FSTL4: variants seen among roughly 807,000 people sequenced by gnomAD.
FSTL4 encodes the protein follistatin like 4.
A neutral mutation model predicts 78.2 loss-of-function variants in FSTL4; 28 were observed. The observed-to-expected ratio is 0.36, with a 90% CI of 0.27 to 0.49. The LOEUF is 0.49. FSTL4 is among the 20% of genes least tolerant of loss of function. The pLI, the probability that FSTL4 is intolerant of heterozygous loss-of-function variation, is 0.98. For synonymous variants in FSTL4, 422 were observed against 440.5 expected (o/e 0.96, Z 0.53); for missense variants, 922 against 1,084.9 (o/e 0.85, Z 2.11).
the FSTL4 span, among the ~76,000 whole-genome samples, chr5:133,806,822 A>G: frequency 6.6e-6 from 1 of 152,178 alleles, no homozygotes; most frequent in East Asian, 1.9e-4. Flanking sequence ...ACTCGGAGCA[A>G]CCTGGAGGGG....
chr5:133,436,735 G>A lies in FSTL4; in HGVS notation c.161-35749C>T, dbSNP rs565141268. 8.5e-5 allele frequency among the ~76,000 whole-genome samples: 13 copies of A among 152,058 alleles called. No homozygotes were observed. The South Asian group carries it at 2.7e-3, about 32-fold the overall frequency. On this transcript the variant is annotated intron_variant, in intron 3 of 15. Transcript: ENST00000265342. ...GCTATAAATTAGGACTTTTCCCACC[G>A]AGAACCGGTTGTTAAACATTTATCA...
intron 3 of FSTL4, among the ~76,000 whole-genome samples, chr5:133,502,982 T>G (rs1000147724): frequency 6.6e-6 from 1 of 152,148 alleles, no homozygotes; most frequent in African/African-American, 2.4e-5. Context: ...TCCAGAAACT[T>G]TAAGACAATA....
intron 3 of FSTL4, among the ~76,000 whole-genome samples, chr5:133,554,614 G>T (rs2112931881): frequency 6.6e-6 from 1 of 152,306 alleles, no homozygotes; most frequent in South Asian, 2.1e-4. Context: ...AGACAGTGCT[G>T]AGCTTATTCA....
the FSTL4 span, among the ~76,000 whole-genome samples, chr5:133,754,059 T>C: frequency 6.6e-6 from 1 of 152,264 alleles, no homozygotes; most frequent in East Asian, 1.9e-4. Context: ...GCCCTGAGGA[T>C]ATCCCAGCCC....
intron 5 of FSTL4, among the ~76,000 whole-genome samples, chr5:133,315,820 G>A (rs1753890689): frequency 6.6e-6 from 1 of 152,162 alleles, no homozygotes; most frequent in African/African-American, 2.4e-5. Flanking sequence ...AGTGGCTGTG[G>A]CCCCAGTGAG....
At chr5:133,658,261 T>G in the FSTL4 span, among the ~76,000 whole-genome samples, 9 of 152,180 alleles carry the variant, frequency 5.9e-5, no homozygotes, top group African/African-American at 2.2e-4. Flanking sequence ...TTATTCATTT[T>G]TAGGATCAGG....
At position 133,359,951 on chromosome 5, in the gene FSTL4, A is replaced by G. The variant is rs545285233; in HGVS notation, c.409+40787T>C. On this transcript the variant is annotated intron_variant, in intron 4 of 15. Transcript: ENST00000265342. Reference sequence around the variant, plus strand: ...GCTGCTGAGACTGCCCTGGCAGACCAGGGAGCCAGTATTCTGAGCTCCAGC... The same window carrying G: ...GCTGCTGAGACTGCCCTGGCAGACCGGGGAGCCAGTATTCTGAGCTCCAGC... Among the ~76,000 whole-genome samples, 276 of 152,320 alleles carry G rather than the reference A, an allele frequency of 1.8e-3. 1 individual carries two copies. Among genetic ancestry groups the G allele is most frequent in the African/African-American group, 6.2e-3 (257 of 41,578 alleles).
At chr5:133,558,599 AG>A (rs565955399) in intron 3 of FSTL4, among the ~76,000 whole-genome samples, 37 of 152,090 alleles carry the variant, frequency 2.4e-4, no homozygotes, top group Non-Finnish European at 5.3e-4. Flanking sequence ...GAGAGTTCAA[AG>A]CAACATTCAA....
intron 3 of FSTL4, among the ~76,000 whole-genome samples, chr5:133,435,760 G>T (rs1288638527): frequency 6.6e-6 from 1 of 152,114 alleles, no homozygotes; most frequent in Non-Finnish European, 1.5e-5. Context: ...CTGATATTGT[G>T]TTATTTGGTA....
chr5:133,483,112 G>A (rs1758064045), intron 3 of FSTL4, among the ~76,000 whole-genome samples: 2 of 152,230 alleles, frequency 1.3e-5, no homozygotes, highest in South Asian at 4.1e-4. Context: ...AGACTTATAT[G>A]AGATCTGATG....
chr5:133,207,073 GTTTC>G (rs902063289), intron 14 of FSTL4, among the ~76,000 whole-genome samples: 1 of 152,048 alleles, frequency 6.6e-6, no homozygotes, highest in Non-Finnish European at 1.5e-5. Flanking sequence ...AAAATTTAAA[GTTTC>G]TTTAGTGATA....
chr5:133,335,681 T>TGC (rs1561677208), intron 4 of FSTL4, among the ~76,000 whole-genome samples: 5 of 150,332 alleles, frequency 3.3e-5, no homozygotes, highest in Non-Finnish European at 1.5e-5. Context: ...TCCCCTTTCT[T>TGC]GGGGGGGGTG....
chr5:133,216,072 C>G (rs1750896088), intron 13 of FSTL4, among the ~76,000 whole-genome samples: 1 of 152,160 alleles, frequency 6.6e-6, no homozygotes, highest in Non-Finnish European at 1.5e-5. Context: ...ATTTAGCCTA[C>G]CACACATTGT....
In FSTL4 at chr5:133,532,689, G is replaced by C. The variant is rs150592287; in HGVS notation, c.160+34497C>G. On this transcript the variant is annotated intron_variant, in intron 3 of 15. Transcript: ENST00000265342. ...AACAGGACAAAAATGTACATTGCAC[G>C]GTAAACATACGCTGGATTTGCTCTG... Among the ~76,000 whole-genome samples the C allele has an allele frequency of 6.6e-5, 10 of 152,232 alleles. No homozygotes were observed. The East Asian group carries it at 1.2e-3, about 18-fold the overall frequency.
At chr5:133,438,820 G>A (rs1412756134) in intron 3 of FSTL4, among the ~76,000 whole-genome samples, 1 of 152,210 alleles carries the variant, frequency 6.6e-6, no homozygotes, top group African/African-American at 2.4e-5. Flanking sequence ...CTTTGGGGAA[G>A]GTCTGAGGAG....
chr5:133,577,789 CCA>C (rs1760316464), intron 2 of FSTL4, among the ~76,000 whole-genome samples: 1 of 152,098 alleles, frequency 6.6e-6, no homozygotes, highest in Non-Finnish European at 1.5e-5. Flanking sequence ...ACCTGTAGTC[CCA>C]GATACTTGTG....
intron 4 of FSTL4, among the ~76,000 whole-genome samples, chr5:133,334,358 C>A (rs1754418658): frequency 2.0e-5 from 3 of 152,296 alleles, no homozygotes; most frequent in South Asian, 4.1e-4. Flanking sequence ...TACCTGGGCA[C>A]CCCTCTAAGT....
intron 4 of FSTL4, among the ~76,000 whole-genome samples, chr5:133,337,103 C>A (rs1358027772): frequency 6.6e-6 from 1 of 152,252 alleles, no homozygotes; most frequent in Non-Finnish European, 1.5e-5. Context: ...GCCCACAGTG[C>A]TCGATTTGGG....
chr5:133,669,574 G>A, the FSTL4 span, among the ~76,000 whole-genome samples: 1 of 152,216 alleles, frequency 6.6e-6, no homozygotes, highest in Non-Finnish European at 1.5e-5. Context: ...AGCCTGTGGT[G>A]TGGCTGAGGA....
Sources: gnomAD v4.1 joint callset for allele counts (sites outside exome capture counted in the v4.1 genomes callset) on GRCh38, gnomAD v4.1.1 for gene constraint, MANE v1.5 for transcripts, NCBI Gene and HGNC (gene_info 2026-07-23, HGNC 2026-07-21) for gene names.